Variants in MYH9 observed in about 807,000 individuals in gnomAD.
MYH9 encodes myosin heavy chain 9.
Under a neutral mutation model 241.9 loss-of-function variants are expected in MYH9, and 29 were observed. That is an observed-to-expected ratio of 0.12 (90% CI 0.09 to 0.16). MYH9 has a LOEUF of 0.16. MYH9 is among the 10% of genes least tolerant of loss of function. MYH9 has a pLI of 1.00. For missense variants in MYH9, 1,803 were observed against 2,595.5 expected (o/e 0.69, Z 6.63); for synonymous variants, 1,047 against 1,062.6 (o/e 0.99, Z 0.29).
chr22:36,381,593 A>T (rs924219238), intron 1 of MYH9, among the ~76,000 whole-genome samples: 1 of 151,946 alleles, frequency 6.6e-6, no homozygotes, highest in Non-Finnish European at 1.5e-5. Context: ...GGCAACCACC[A>T]TTACCAGGGT....
intron 1 of MYH9, among the ~76,000 whole-genome samples, chr22:36,353,778 C>A (rs905302087): frequency 2.6e-5 from 4 of 151,788 alleles, no homozygotes; most frequent in Admixed American, 2.0e-4. Context: ...TCTTTCTTTT[C>A]GTGGTCCTTT....
chr22:36,347,801 C>CAAAA (rs36028454), intron 2 of MYH9, among the ~76,000 whole-genome samples: 2 of 47,050 alleles, frequency 4.3e-5, no homozygotes, highest in African/African-American at 7.1e-5. Context: ...GACCCTGTCT[C>CAAAA]AAAAAAAAAA....
intron 24 of MYH9, among the ~76,000 whole-genome samples, chr22:36,297,567 G>A (rs763244789): frequency 6.6e-6 from 1 of 152,180 alleles, no homozygotes; most frequent in Non-Finnish European, 1.5e-5. Flanking sequence ...TGCCTGCCTC[G>A]TGATGGTTAT....
intron 7 of MYH9, 21 bp downstream of exon 7, chr22:36,321,737 C>T (rs1163623550): frequency 2.5e-6 from 4 of 1,611,602 alleles, no homozygotes; most frequent in Non-Finnish European, 3.4e-6. Flanking sequence ...GGACTCTTAT[C>T]CCAACGAACC....
At chr22:36,322,338 G>T in intron 6 of MYH9, 91 bp downstream of exon 6, 1 of 1,393,650 alleles carries the variant, frequency 7.2e-7, no homozygotes, top group South Asian at 1.2e-5. Flanking sequence ...CCTCGGTTTT[G>T]AGGGGAGGGC....
intron 3 of MYH9, among the ~76,000 whole-genome samples, chr22:36,341,002 C>G (rs759095305): frequency 1.3e-5 from 2 of 151,854 alleles, no homozygotes; most frequent in African/African-American, 2.4e-5. Context: ...TGTTTCTAGA[C>G]TGTGGGGAAG....
chr22:36,353,118 TGTGTGTGTGTGTG>T (rs1181421654), intron 1 of MYH9, among the ~76,000 whole-genome samples: 52 of 151,818 alleles, frequency 3.4e-4, no homozygotes, highest in African/African-American at 9.9e-4. Flanking sequence ...TGTGTGTGTG[TGTGTGTGTGTGTG>T]TATAAGTGTG....
chr22:36,284,628 G>A, intron 38 of MYH9, 117 bp from the exon 39 acceptor site: 1 of 964,440 alleles, frequency 1.0e-6, no homozygotes, highest in Non-Finnish European at 1.6e-6. Context: ...GATCACGTAG[G>A]GAGGCCTTTG....
chr22:36,370,758 C>G (rs1046950971), intron 1 of MYH9, among the ~76,000 whole-genome samples: 2 of 152,108 alleles, frequency 1.3e-5, no homozygotes, highest in African/African-American at 4.8e-5. Context: ...CAGGGCAGCC[C>G]CCACCCAGTT....
chr22:36,283,071 G>A (rs1316892704), intron 40 of MYH9, among the ~76,000 whole-genome samples: 2 of 152,172 alleles, frequency 1.3e-5, no homozygotes, highest in Non-Finnish European at 2.9e-5. Context: ...CAACAGGAAA[G>A]GCACAAAAGT....
chr22:36,341,814 C>T (rs954010984), intron 2 of MYH9, among the ~76,000 whole-genome samples: 15 of 152,174 alleles, frequency 9.9e-5, no homozygotes, highest in African/African-American at 3.6e-4. Flanking sequence ...GCAAGGTCCG[C>T]GGCCAAGCAG....
At chr22:36,370,952 C>CAG (rs1459541375) in intron 1 of MYH9, among the ~76,000 whole-genome samples, 1 of 152,176 alleles carries the variant, frequency 6.6e-6, no homozygotes, top group East Asian at 1.9e-4. Context: ...TTTAGCTACC[C>CAG]AGAGAACACT....
chr22:36,335,591 C>T (rs1189829384), intron 3 of MYH9, among the ~76,000 whole-genome samples: 5 of 152,216 alleles, frequency 3.3e-5, no homozygotes, highest in African/African-American at 1.2e-4. Context: ...CTCAGAAAGA[C>T]ATTGGAAAGC....
At chr22:36,377,000 T>G (rs569270319) in intron 1 of MYH9, among the ~76,000 whole-genome samples, 1 of 149,872 alleles carries the variant, frequency 6.7e-6, no homozygotes, top group Non-Finnish European at 1.5e-5. Flanking sequence ...GAGGTGGAGG[T>G]TGCAGTGAGC....
chr22:36,353,760 C>T (rs2017809327), intron 1 of MYH9, among the ~76,000 whole-genome samples: 1 of 117,748 alleles, frequency 8.5e-6, no homozygotes, highest in South Asian at 2.3e-4. Flanking sequence ...CTTGCAAAAT[C>T]AGTTTTCTCT....
In MYH9 at chr22:36,329,804, T is replaced by C. The variant is rs143834204; in HGVS notation, c.491-2316A>G. ...ACGCACAAGGGCATGGACACACACA[T>C]AGACACGCAAGCATCTGTGCATACA... On this transcript the variant is annotated intron_variant, in intron 3 of 40. Transcript: ENST00000216181. This position sits in a 1 kb window ranked among gnomAD's most constrained non-coding sequence, Gnocchi z 4.1. Among the ~76,000 whole-genome samples, 27 of 152,192 alleles carry C rather than the reference T, an allele frequency of 1.8e-4. No homozygotes were observed. The highest frequency in any genetic ancestry group is 5.8e-4 in the East Asian group (3 of 5,162).
rs2017229226 is a variant in MYH9 at position 36,320,275 on chromosome 22, G to C, written c.957C>G (p.Phe319Leu). The C allele has an allele frequency of 6.2e-7, 1 of 1,614,194 alleles. No homozygotes were observed. Among genetic ancestry groups the C allele is most frequent in the Non-Finnish European group, 8.5e-7 (1 of 1,180,030 alleles). Residue 319 changes from phenylalanine (F) to leucine (L), a missense_variant, in exon 9 of 41, where the codon TTC becomes TTG. This residue lies in a region of MYH9 where 222 missense variants were observed against 359.9 expected (regional missense o/e 0.62). Coordinates refer to ENST00000216181, the MANE Select transcript of MYH9 (RefSeq NM_002473.6). This position sits in a 1 kb window ranked among gnomAD's most constrained non-coding sequence, Gnocchi z 4.8. The stretch of plus-strand genomic sequence containing the variant: ...TCCTCATGGCCTCCATGGTCTCCTG[G>C]AACATGTCCTTGTCCTGCTGCCCGG... The part of the protein sequence containing the change: ...TIPGQQDKDM[F>L]QETMEAMRIM...
At chr22:36,362,652 T>G (rs2017952530) in intron 1 of MYH9, among the ~76,000 whole-genome samples, 1 of 152,118 alleles carries the variant, frequency 6.6e-6, no homozygotes, top group African/African-American at 2.4e-5. Flanking sequence ...AATTTTTGTA[T>G]TTTAGTAGAG....
chr22:36,348,124 A>G (rs1390949964), intron 2 of MYH9, among the ~76,000 whole-genome samples: 1 of 148,298 alleles, frequency 6.7e-6, no homozygotes, highest in Non-Finnish European at 1.5e-5. Context: ...AATAATTAAG[A>G]TATTTTATTT....
Sources: allele counts gnomAD v4.1 joint callset (sites outside exome capture counted in the v4.1 genomes callset), GRCh38; gene constraint gnomAD v4.1.1; regional missense constraint gnomAD v4.1.1; non-coding constraint Gnocchi (gnomAD v3.1); transcripts MANE v1.5; gene names NCBI Gene and HGNC (gene_info 2026-07-23, HGNC 2026-07-21).